CDH24: variants seen among roughly 807,000 people sequenced by gnomAD.
CDH24 encodes cadherin 24, also known as cadherin-24.
CDH24 carries 61 observed loss-of-function variants against 71.2 expected under a neutral mutation model. The ratio of observed to expected loss-of-function variants is 0.86; its 90% confidence interval spans 0.70 to 1.06. The LOEUF is 1.06. CDH24 is among the 50% of genes least tolerant of loss of function. CDH24 has a pLI of 0.00. For synonymous variants in CDH24, 440 were observed against 470.2 expected (o/e 0.94, Z 0.83); for missense variants, 961 against 1,083.7 (o/e 0.89, Z 1.59).
chr14:23,050,189 C>T (rs748120302), intron 8 of CDH24: 11 of 450,272 alleles, frequency 2.4e-5, no homozygotes, highest in Middle Eastern at 6.2e-4. Flanking sequence ...ACAGGAATGC[C>T]GCACCCATGA....
Position 23,055,704 on chromosome 14 carries a change from G to C in CDH24, c.30C>G (p.Ala10=), listed in dbSNP as rs2047124317. MWGLVRLLL[A]WLGGWGCMGR... is the part of the protein sequence containing the mutation. ...CCATGCAGCCCCAGCCACCCAGCCA[G>C]GCCAGCAGGAGCCTCACCAGGCCCC... The change falls in exon 2 of 13, where the codon GCC becomes GCG. Residue 10 remains alanine (A), a synonymous_variant. Transcript: ENST00000487137. The surrounding 1 kb of genome is among the most constrained non-coding windows in gnomAD (Gnocchi z 4.1). The C allele has an allele frequency of 6.3e-7, 1 of 1,596,260 alleles. No homozygotes were observed. Among genetic ancestry groups the C allele is most frequent in the African/African-American group, 1.4e-5 (1 of 73,618 alleles).
In CDH24 at chr14:23,055,664, G is replaced by A. The variant is rs745507914; in HGVS notation, c.70C>T (p.Pro24Ser). The part of the protein sequence containing the change: ...GWGCMGRLAA[P>S]ARAWAGSREH... ...CGGGACCCTGCCCAGGCCCGGGCTG[G>A]GGCTGCCAGACGCCCCATGCAGCCC... Residue 24 changes from proline to serine, a missense_variant, in exon 2 of 13, where the codon CCA becomes TCA. By Grantham distance (74) the Pro-to-Ser change is moderately conservative (BLOSUM62 -1). This residue lies in a region of CDH24 where 671 missense variants were observed against 810.9 expected (regional missense o/e 0.83). Coordinates refer to ENST00000487137, the MANE Select transcript of CDH24 (RefSeq NM_144985.4). The surrounding 1 kb of genome is among the most constrained non-coding windows in gnomAD (Gnocchi z 4.1). The A allele has an allele frequency of 6.2e-7, 1 of 1,608,670 alleles. No homozygotes were observed. The highest frequency in any genetic ancestry group is 2.2e-5 in the East Asian group (1 of 44,754).
In CDH24 at chr14:23,054,122, T is replaced by C. The variant is rs372646396; in HGVS notation, c.972+19A>G. 15 of 1,570,390 alleles carry C rather than the reference T, an allele frequency of 9.6e-6. No individual in the cohort carries two copies. The highest frequency in any genetic ancestry group is 1.7e-4 in the Middle Eastern group (1 of 5,902). On this transcript the variant is annotated intron_variant, in intron 6 of 12. Transcript: ENST00000487137. This position sits in a 1 kb window ranked among gnomAD's most constrained non-coding sequence, Gnocchi z 5.2. ...AGGAGGCAGGTCTAAGAGAAAGCAT[T>C]AACAGGCAGGAGGCTAACCTTGCGG... is the stretch of plus-strand genomic sequence containing the variant.
At chr14:23,052,444 T>C (rs1386471669) in intron 8 of CDH24, 29 bp downstream of exon 8, 1 of 1,612,560 alleles carries the variant, frequency 6.2e-7, no homozygotes. Flanking sequence ...AGGAGGCTGC[T>C]GCCGCCTTGT....
rs754507800 is a variant in CDH24, at chr14:23,049,052, G to A, written c.1821C>T (p.Ile607=). The change falls in exon 11 of 13, where the codon ATC becomes ATT. Residue 607 remains isoleucine (I), a synonymous_variant. Transcript: ENST00000487137. The part of the protein sequence containing the change: ...AGLSTGALLA[I]ITCVGALLAL... ...CAAGCAGGGCACCCACACAGGTGAT[G>A]ATGGCAAGCAGGGCGCCGGTGCTGA... The A allele has an allele frequency of 3.3e-5, 54 of 1,612,808 alleles. 1 individual carries two copies. In the Admixed American group the frequency reaches 4.0e-4, roughly 12 times the overall value.
chr14:23,056,951 T>A (rs1021214308), intron 1 of CDH24, among the ~76,000 whole-genome samples: 1 of 150,192 alleles, frequency 6.7e-6, no homozygotes, highest in African/African-American at 2.5e-5. Context: ...GGAGGAAGGC[T>A]GGGGACCAGA....
rs1409679009 is a variant in CDH24 at position 23,051,772 on chromosome 14, G to C, written c.1363+701C>G. On this transcript the variant is annotated intron_variant, in intron 8 of 12. Transcript: ENST00000487137. This position sits in a 1 kb window ranked among gnomAD's most constrained non-coding sequence, Gnocchi z 4.4. ...GGGCAGTTTTCATATGCAGTATGAAGACAAAAGGGTGGAGGAGCCCCTGAG... is the reference window on the plus strand; with the variant it reads ...GGGCAGTTTTCATATGCAGTATGAACACAAAAGGGTGGAGGAGCCCCTGAG... 6.6e-6 allele frequency among the ~76,000 whole-genome samples: 1 copy of C among 152,204 alleles called. No individual in the cohort carries two copies. Among genetic ancestry groups the C allele is most frequent in the African/African-American group, 2.4e-5 (1 of 41,454 alleles).
rs147486818 is a variant in CDH24 at position 23,055,284 on chromosome 14, C to T, written c.271G>A (p.Val91Ile). The stretch of plus-strand genomic sequence containing the variant: ...CCTGTGGCCTCATCAATCACAAATA[C>T]GGTGCCTGCCCCCTCCCCGGTCAAC... ...YLLTGEGAGT[V>I]FVIDEATGNI... is the part of the protein sequence containing the mutation. The change falls in exon 3 of 13, where the codon GTA becomes ATA. Residue 91 changes from valine to isoleucine, a missense_variant. Val to Ile is a conservative substitution (Grantham distance 29). Transcript: ENST00000487137. The surrounding 1 kb of genome is among the most constrained non-coding windows in gnomAD (Gnocchi z 4.1). 2.7e-5 allele frequency: 44 copies of T among 1,613,314 alleles called. No homozygotes were observed. Among genetic ancestry groups the T allele is most frequent in the Middle Eastern group, 1.6e-4 (1 of 6,062 alleles).
At position 23,055,473 on chromosome 14, in the gene CDH24, G is replaced by A. The variant is rs1487449006; in HGVS notation, c.201+60C>T. The A allele has an allele frequency of 1.4e-5, 22 of 1,597,524 alleles. No homozygotes were observed. Among genetic ancestry groups the A allele is most frequent in the Admixed American group, 1.0e-4 (6 of 59,246 alleles). On this transcript the variant is annotated intron_variant, in intron 2 of 12. Transcript: ENST00000487137. The surrounding 1 kb of genome is among the most constrained non-coding windows in gnomAD (Gnocchi z 4.1). ...CCAAGGTCATTGCAGAAGTGATGAA[G>A]TTGCAGGGCAGGGCCTGAGGGCTTG...
In CDH24 at chr14:23,049,671, C is replaced by A; in HGVS notation, c.1553G>T (p.Gly518Val). 6.2e-7 allele frequency: 1 copy of A among 1,609,548 alleles called. No individual in the cohort carries two copies. The highest frequency in any genetic ancestry group is 8.5e-7 in the Non-Finnish European group (1 of 1,177,210). Residue 518 changes from glycine to valine, a missense_variant, in exon 10 of 13, where the codon GGT becomes GTT. Gly to Val is a moderately radical substitution (Grantham distance 109, BLOSUM62 -3). Around this residue, in one of 2 missense-constraint regions of CDH24, gnomAD observed 671 missense variants for 810.9 expected, o/e 0.83. Transcript: ENST00000487137. ...VGNSSHVSFQ[G>V]PLGPDANFTV... ...AAAGTTGGCATCAGGGCCCAGAGGA[C>A]CTTGAAAGGAGACATGGCTACTGTT... is the stretch of plus-strand genomic sequence containing the variant.
At position 23,048,046 on chromosome 14, in the gene CDH24, G is replaced by C; in HGVS notation, c.2280C>G (p.Asp760Glu). The change falls in exon 12 of 13, where the codon GAC becomes GAG. Residue 760 changes from aspartate (D) to glutamate (E), a missense_variant. This residue lies in a region of CDH24 where 290 missense variants were observed against 272.8 expected (regional missense o/e 1.06). Coordinates refer to ENST00000487137, the MANE Select transcript of CDH24 (RefSeq NM_144985.4). ...GGGTGCGGAAGAGCGGACCCCAGTC[G>C]TCCAGCGGCTCCGCGGGGCCGGGGG... ...GGAPGPAEPLDDWGPLFRTLA... is the reference protein window; with the variant it reads ...GGAPGPAEPLEDWGPLFRTLA... 2.8e-6 allele frequency: 4 copies of C among 1,446,926 alleles called. No individual in the cohort carries two copies. The highest frequency in any genetic ancestry group is 2.6e-5 in the South Asian group (2 of 75,744). The allele number at this position is 1,446,926 out of a possible 1,614,324, so 89.6% of individuals were successfully genotyped here. A position where few individuals can be genotyped will look rare whatever the true frequency, so the allele number is the denominator to read the frequency against.
At chr14:23,050,406 C>T (rs1478109739) in intron 8 of CDH24, among the ~76,000 whole-genome samples, 1 of 152,090 alleles carries the variant, frequency 6.6e-6, no homozygotes, top group Non-Finnish European at 1.5e-5. Flanking sequence ...TGCCACATCC[C>T]CCGACAACAC....
rs1391821219 is a variant in CDH24 at position 23,054,460 on chromosome 14, G to T, written c.784+46C>A. ...GAAGGTTTCTCCAGACACTGTAGGG[G>T]TGGGGTGATCAAAGGATGGCTCAGG... On this transcript the variant is annotated intron_variant, in intron 5 of 12. Transcript: ENST00000487137. The surrounding 1 kb of genome is among the most constrained non-coding windows in gnomAD (Gnocchi z 5.2). The T allele has an allele frequency of 4.4e-6, 7 of 1,592,402 alleles. No homozygotes were observed. The highest frequency in any genetic ancestry group is 4.3e-6 in the Non-Finnish European group (5 of 1,167,250).
At chr14:23,049,384 C>A in intron 10 of CDH24, 109 bp from the exon 11 acceptor site, 2 of 1,059,264 alleles carry the variant, frequency 1.9e-6, no homozygotes, top group South Asian at 3.1e-5. Flanking sequence ...TAGAGCCAGC[C>A]CATAGGTCCA....
At chr14:23,052,207 T>C in intron 8 of CDH24, 1 of 740,098 alleles carries the variant, frequency 1.4e-6, no homozygotes. Context: ...AGGAGAATGC[T>C]CAGGCACACC....
Position 23,048,267 on chromosome 14 carries a change from G to C in CDH24, c.2059C>G (p.Arg687Gly). The C allele has an allele frequency of 1.3e-6, 2 of 1,498,824 alleles. No individual in the cohort carries two copies. Among genetic ancestry groups the C allele is most frequent in the East Asian group, 2.7e-5 (1 of 36,834 alleles). 92.8% of individuals were successfully genotyped at this position (1,498,824 alleles called of 1,614,324 possible). Residue 687 changes from arginine to glycine, a missense_variant, in exon 12 of 13, where the codon CGG becomes GGG. Arg to Gly is a moderately radical substitution (Grantham distance 125). Transcript: ENST00000487137. ...CTGGGCTGGCGCGACACCCGGGCCC[G>C]GGGCAACACGTCTCGGCGCGCGGGA... ...GPPARRDVLP[R>G]ARVSRQPRPP... is the part of the protein sequence containing the mutation.
At position 23,054,936 on chromosome 14, in the gene CDH24, G is replaced by GGA. The variant is rs397853223; in HGVS notation, c.497-71_497-70insTC. The GGA allele has an allele frequency of 1.2e-6, 2 of 1,603,086 alleles. No homozygotes were observed. The highest frequency in any genetic ancestry group is 1.7e-6 in the Non-Finnish European group (2 of 1,174,668). On this transcript the variant is annotated intron_variant, in intron 3 of 12. Coordinates refer to ENST00000487137, the MANE Select transcript of CDH24 (RefSeq NM_144985.4). The surrounding 1 kb of genome is among the most constrained non-coding windows in gnomAD (Gnocchi z 5.2). ...TGGGGAAGAACAACCGATGGGGGGG[G>GGA]ATGCAGATACGAGGGAGGCTGAATT... is the stretch of plus-strand genomic sequence containing the variant.
chr14:23,054,865 C>A lies in CDH24; in HGVS notation c.498G>T (p.Gly166=). ...HATVPEMSNV[G]TSVIQVTAHD... Reference sequence around the variant, plus strand: ...GAGCAGTCACCTGGATCACTGATGTCCCTGTGGGGGATGCCAGCACGCCAT... The same window carrying A: ...GAGCAGTCACCTGGATCACTGATGTACCTGTGGGGGATGCCAGCACGCCAT... The change falls in exon 4 of 13, where the codon GGG becomes GGT. Residue 166 remains glycine, a splice_region_variant and synonymous_variant. Coordinates refer to ENST00000487137, the MANE Select transcript of CDH24 (RefSeq NM_144985.4). The surrounding 1 kb of genome is among the most constrained non-coding windows in gnomAD (Gnocchi z 5.2). 6.2e-7 allele frequency: 1 copy of A among 1,613,018 alleles called. No homozygotes were observed. The highest frequency in any genetic ancestry group is 8.5e-7 in the Non-Finnish European group (1 of 1,180,004).
chr14:23,052,413 C>T (rs751799984), intron 8 of CDH24, 60 bp downstream of exon 8: 44 of 1,599,430 alleles, frequency 2.8e-5, no homozygotes, highest in Non-Finnish European at 3.5e-5. Flanking sequence ...CACCCCCACA[C>T]CCAGGGACAG....
Sources: gnomAD v4.1 joint callset for allele counts (sites outside exome capture counted in the v4.1 genomes callset) on GRCh38, gnomAD v4.1.1 for gene constraint, gnomAD v4.1.1 regional missense constraint, Gnocchi (gnomAD v3.1) non-coding constraint, MANE v1.5 for transcripts, NCBI Gene and HGNC (gene_info 2026-07-23, HGNC 2026-07-21) for gene names.